Variants in SLC13A5 observed in about 807,000 individuals in gnomAD.
The protein encoded by SLC13A5 is Na(+)/citrate cotransporter.
SLC13A5 carries 25 observed loss-of-function variants against 56.5 expected under a neutral mutation model. The ratio of observed to expected loss-of-function variants is 0.44; its 90% CI spans 0.32 to 0.62. The LOEUF is 0.62. Ranked by LOEUF, SLC13A5 falls within the 20% of genes least tolerant of loss-of-function variation. SLC13A5 has a pLI of 0.04. For synonymous variants in SLC13A5, 307 were observed against 301.5 expected, an observed-to-expected ratio of 1.02 and a Z score of -0.19; for missense variants, 649 against 737.8, an observed-to-expected ratio of 0.88 and a Z score of 1.39.
chr17:6,690,072 A>C (rs1444406436), intron 10 of SLC13A5: 3 of 109,352 alleles, frequency 2.7e-5, no homozygotes, highest in East Asian at 4.8e-4. Flanking sequence ...AAAAAAAAAA[A>C]AAAAAAAAAA....
chr17:6,686,429 T>G (rs1351543434), intron 11 of SLC13A5, 91 bp from the exon 12 acceptor site: 18 of 1,528,684 alleles, frequency 1.2e-5, no homozygotes, highest in Non-Finnish European at 1.5e-5. Flanking sequence ...TGGGCCTCGA[T>G]GTCCCTGTGC....
chr17:6,705,364 C>G (rs902573500), intron 3 of SLC13A5: 3 of 152,078 alleles, frequency 2.0e-5, no homozygotes, highest in African/African-American at 7.2e-5. Context: ...AGGAAGGATA[C>G]AGAAGCATGT....
chr17:6,711,796 C>A lies in SLC13A5; in HGVS notation c.102+1436G>T, dbSNP rs535791673. 3.0e-4 allele frequency among the ~76,000 whole-genome samples: 46 copies of A among 152,048 alleles called. No homozygotes were observed. Among genetic ancestry groups the A allele is most frequent in the Middle Eastern group, 6.8e-3 (2 of 294 alleles). On this transcript the variant is annotated intron_variant, in intron 1 of 11. Transcript: ENST00000433363. This position sits in a 1 kb window ranked among gnomAD's most constrained non-coding sequence, Gnocchi z 4.0. ...ATAATCATTCCAGGGAACATCACTC[C>A]CTACCAGCAGAGCTGAAATCGCAGC...
At position 6,690,901 on chromosome 17, in the gene SLC13A5, G is replaced by C; in HGVS notation, c.1315C>G (p.Pro439Ala). The change falls in exon 10 of 12, where the codon CCC (proline) becomes GCC (alanine). Residue 439 changes from proline to alanine, a missense_variant. Coordinates refer to ENST00000433363, the MANE Select transcript of SLC13A5 (RefSeq NM_177550.5). ...LSVWMGKQME[P>A]LHAVPPAAIT... ...GCTGCCGGGGGCACTGCGTGCAAGG[G>C]CTCCATCTGCTTCCCCATCCACACG... 1 of 1,613,532 alleles carries C rather than the reference G, an allele frequency of 6.2e-7. No homozygotes were observed. The highest frequency in any genetic ancestry group is 8.5e-7 in the Non-Finnish European group (1 of 1,179,554).
chr17:6,693,300 C>T, intron 8 of SLC13A5, 138 bp from the exon 9 acceptor site: 1 of 600,214 alleles, frequency 1.7e-6, no homozygotes, highest in South Asian at 2.1e-5. Context: ...AATGAGGTAC[C>T]ATCTCCTACT....
At chr17:6,700,737 G>A (rs1973689610) in intron 6 of SLC13A5, among the ~76,000 whole-genome samples, 1 of 152,176 alleles carries the variant, frequency 6.6e-6, no homozygotes, top group Non-Finnish European at 1.5e-5. Flanking sequence ...GAAAAGTCAG[G>A]GAAGCAGCAT....
chr17:6,703,745 T>G, intron 4 of SLC13A5, 133 bp downstream of exon 4: 1 of 892,384 alleles, frequency 1.1e-6, no homozygotes, highest in African/African-American at 1.7e-5. Flanking sequence ...ATTTTCTATT[T>G]TTTTTTCTCT....
Position 6,695,770 on chromosome 17 carries a change from G to A in SLC13A5, c.1011C>T (p.Phe337=). ...AGGCAACAGTCAGCCAGCCGGGCAT[G>A]AAGCCGGGGTCTCGGGAGAACCACA... ...VILWFSRDPG[F]MPGWLTVAWV... is the part of the protein sequence containing the mutation. Residue 337 remains phenylalanine, a synonymous_variant, in exon 7 of 12, where the codon TTC becomes TTT. Coordinates refer to ENST00000433363, the MANE Select transcript of SLC13A5 (RefSeq NM_177550.5). 1 of 1,614,226 alleles carries A rather than the reference G, an allele frequency of 6.2e-7. No individual in the cohort carries two copies. Among genetic ancestry groups the A allele is most frequent in the Non-Finnish European group, 8.5e-7 (1 of 1,180,044 alleles).
chr17:6,701,722 A>C lies in SLC13A5; in HGVS notation c.717-596T>G, dbSNP rs1973719317. On this transcript the variant is annotated intron_variant, in intron 5 of 11. Transcript: ENST00000433363. This position sits in a 1 kb window ranked among gnomAD's most constrained non-coding sequence, Gnocchi z 4.1. ...GAGACTTGTCTCAAAAAGAAAAAAA[A>C]GAAAAATACACCTTTTATACACATG... Among the ~76,000 whole-genome samples the C allele has an allele frequency of 6.6e-6, 1 of 152,244 alleles. No individual in the cohort carries two copies. The highest frequency in any genetic ancestry group is 2.4e-5 in the African/African-American group (1 of 41,470).
chr17:6,710,975 A>T lies in SLC13A5; in HGVS notation c.102+2257T>A, dbSNP rs374333034. The stretch of plus-strand genomic sequence containing the variant: ...ATTTCATTAAATTTTTTTTCAATTA[A>T]AAAAAGACCCAGAGGAAGGATAGAG... On this transcript the variant is annotated intron_variant, in intron 1 of 11. Transcript: ENST00000433363. Among the ~76,000 whole-genome samples the T allele has an allele frequency of 3.5e-4, 53 of 152,228 alleles. No homozygotes were observed. The East Asian group carries it at 8.9e-3, about 25-fold the overall frequency.
Position 6,687,563 on chromosome 17 carries a change from A to G in SLC13A5, c.1541T>C (p.Val514Ala), listed in dbSNP as rs776701159. The G allele has an allele frequency of 1.2e-5, 20 of 1,613,846 alleles. No individual in the cohort carries two copies. The highest frequency in any genetic ancestry group is 1.7e-5 in the Non-Finnish European group (20 of 1,179,972). ...AACCTTGAGGTGCCCATAGGTGAAC[A>G]CGATGGCATTTGGAGGGGTGGCCAC... ...LPVATPPNAI[V>A]FTYGHLKVAD... Residue 514 changes from valine to alanine, a missense_variant, in exon 11 of 12, where the codon GTG (valine) becomes GCG (alanine). Transcript: ENST00000433363. The surrounding 1 kb of genome is among the most constrained non-coding windows in gnomAD (Gnocchi z 5.0).
chr17:6,709,053 C>T (rs1460710645), intron 1 of SLC13A5, among the ~76,000 whole-genome samples: 2 of 145,016 alleles, frequency 1.4e-5, no homozygotes, highest in Non-Finnish European at 3.0e-5. Context: ...TGAAGTGGCA[C>T]GGTCACAGCT....
chr17:6,687,216 A>T lies in SLC13A5; in HGVS notation c.1575+313T>A. ...TGGTTCTTGCTAATTTGTCAAGTTC[A>T]TCCTTGGCCATATGAGTCCCTCAGC... On this transcript the variant is annotated intron_variant, in intron 11 of 11. Coordinates refer to ENST00000433363, the MANE Select transcript of SLC13A5 (RefSeq NM_177550.5). The surrounding 1 kb of genome is among the most constrained non-coding windows in gnomAD (Gnocchi z 5.0). 3.2e-6 allele frequency: 1 copy of T among 313,542 alleles called. No individual in the cohort carries two copies. Among genetic ancestry groups the T allele is most frequent in the Non-Finnish European group, 5.9e-6 (1 of 169,792 alleles). 19.4% of individuals were successfully genotyped at this position (313,542 alleles called of 1,614,324 possible).
At position 6,693,106 on chromosome 17, in the gene SLC13A5, T is replaced by C. The variant is rs1457591951; in HGVS notation, c.1213A>G (p.Lys405Glu). 6 of 1,613,660 alleles carry C rather than the reference T, an allele frequency of 3.7e-6. No individual in the cohort carries two copies. In the South Asian group the frequency reaches 4.4e-5, roughly 12 times the overall value. Residue 405 changes from lysine (K) to glutamate (E), a missense_variant, in exon 9 of 12, where the codon AAA becomes GAA. Transcript: ENST00000433363. ...PLLDWKVTQE[K>E]VPWGIVLLLG... ...AGCAGCACGATGCCCCAGGGCACTTTCTCCTGGGTTACCTTCCAATCCAGC... is the reference window on the plus strand; with the variant it reads ...AGCAGCACGATGCCCCAGGGCACTTCCTCCTGGGTTACCTTCCAATCCAGC...
At chr17:6,708,109 G>T (rs1973921106) in intron 1 of SLC13A5, among the ~76,000 whole-genome samples, 1 of 152,140 alleles carries the variant, frequency 6.6e-6, no homozygotes. Context: ...AGTTGGGATT[G>T]CAGGCACCTG....
intron 2 of SLC13A5, 54 bp downstream of exon 2, chr17:6,706,974 G>A: frequency 1.2e-6 from 2 of 1,608,280 alleles, no homozygotes; most frequent in Non-Finnish European, 1.7e-6. Context: ...GGGGACTAGA[G>A]AAAGAGAGAA....
rs1973532210 is a variant in SLC13A5 at position 6,695,380 on chromosome 17, C to G, written c.1055+346G>C. 14 of 223,736 alleles carry G rather than the reference C, an allele frequency of 6.3e-5. 1 individual carries two copies. In the South Asian group the frequency reaches 9.3e-4, roughly 15 times the overall value. 13.9% of individuals were successfully genotyped at this position (223,736 alleles called of 1,614,324 possible). A position where few individuals can be genotyped will look rare whatever the true frequency, so the allele number is the denominator to read the frequency against. The stretch of plus-strand genomic sequence containing the variant: ...AGCATTTAGGCACTAGTGCACTAAG[C>G]CAGTGGTGTCTTTCTTTCTCTTTTT... On this transcript the variant is annotated intron_variant, in intron 7 of 11. Transcript: ENST00000433363.
chr17:6,710,960 A>G (rs1209223644), intron 1 of SLC13A5, among the ~76,000 whole-genome samples: 1 of 152,062 alleles, frequency 6.6e-6, no homozygotes, highest in African/African-American at 2.4e-5. Flanking sequence ...ATTTCATTAA[A>G]TTTTTTTTCA....
rs1064796653 is a variant in SLC13A5, at chr17:6,695,739, C to T, written c.1042G>A (p.Glu348Lys). 1 of 1,614,154 alleles carries T rather than the reference C, an allele frequency of 6.2e-7. No homozygotes were observed. The highest frequency in any genetic ancestry group is 8.5e-7 in the Non-Finnish European group (1 of 1,180,022). ...MPGWLTVAWV[E>K]GETKYVSDAT... ...TCCAAGACTTACTTTGTCTCACCCT[C>T]CACCCAGGCAACAGTCAGCCAGCCG... is the stretch of plus-strand genomic sequence containing the variant. Residue 348 changes from glutamate to lysine, a missense_variant, in exon 7 of 12, where the codon GAG becomes AAG. By Grantham distance (56) the Glu-to-Lys change is moderately conservative. Transcript: ENST00000433363.
Sources: gnomAD v4.1 joint callset for allele counts (sites outside exome capture counted in the v4.1 genomes callset) on GRCh38, gnomAD v4.1.1 for gene constraint, Gnocchi (gnomAD v3.1) non-coding constraint, MANE v1.5 for transcripts, NCBI Gene and HGNC (gene_info 2026-07-23, HGNC 2026-07-21) for gene names.